FER1L6: variants seen among roughly 807,000 people sequenced by gnomAD.
FER1L6 encodes fer-1 like family member 6, also known as fer-1-like protein 6.
In FER1L6, 177 loss-of-function variants were observed where a neutral mutation model predicts 219.2. The ratio of observed to expected loss-of-function variants is 0.81; its 90% CI spans 0.71 to 0.91. The LOEUF (loss-of-function observed/expected upper bound fraction) is 0.91, where lower values mean the gene tolerates loss of function less well. Among genes scored for constraint, FER1L6 ranks in the 40% least tolerant of loss-of-function variants. The probability of loss-of-function intolerance (pLI) is 0.00; values close to 1 mark genes in which losing one functional copy is unlikely to be tolerated. For missense variants in FER1L6, 2,153 were observed against 2,259.9 expected, an observed-to-expected ratio of 0.95 and a Z score of 0.96; for synonymous variants, 768 against 824.3, an observed-to-expected ratio of 0.93 and a Z score of 1.17.
intron 13 of FER1L6, among the ~76,000 whole-genome samples, chr8:124,006,846 A>G (rs563435763): frequency 7.2e-5 from 11 of 152,300 alleles, no homozygotes; most frequent in Non-Finnish European, 1.3e-4. Context: ...TTGTCCATGT[A>G]GACACACTAA....
At chr8:123,948,477 C>A (rs941075599) in intron 1 of FER1L6, among the ~76,000 whole-genome samples, 3 of 152,194 alleles carry the variant, frequency 2.0e-5, no homozygotes, top group Non-Finnish European at 4.4e-5. Context: ...TTCCAATCTA[C>A]AAGCATGGAA....
At chr8:123,967,000 T>A (rs1261229621) in intron 5 of FER1L6, among the ~76,000 whole-genome samples, 1 of 148,562 alleles carries the variant, frequency 6.7e-6, no homozygotes, top group Non-Finnish European at 1.5e-5. Flanking sequence ...AAGAATGGCG[T>A]GAACCCAGGA....
In FER1L6 at chr8:124,082,445, A is replaced by C. The variant is rs1475692276; in HGVS notation, c.4378A>C (p.Ser1460Arg). 2 of 1,613,624 alleles carry C rather than the reference A, an allele frequency of 1.2e-6. No individual in the cohort carries two copies. Among genetic ancestry groups the C allele is most frequent in the Non-Finnish European group, 1.7e-6 (2 of 1,179,826 alleles). ...ACACCGAGCCATCTGTGGCTTGCAGAGCCAGTATGAGATGTAAGTTCTTTC... is the reference window on the plus strand; with the variant it reads ...ACACCGAGCCATCTGTGGCTTGCAGCGCCAGTATGAGATGTAAGTTCTTTC... The part of the protein sequence containing the change: ...SKHRAICGLQ[S>R]QYEIEGYNAW... The change falls in exon 33 of 41, where the codon AGC (serine) becomes CGC (arginine). Residue 1460 changes from serine (S) to arginine (R), a missense_variant. Coordinates refer to ENST00000522917, the MANE Select transcript of FER1L6 (RefSeq NM_001039112.2).
In FER1L6 at chr8:124,081,055, AGTAAGTGT is replaced by A. The variant is rs572770388; in HGVS notation, c.4221-1232_4221-1225del. On this transcript the variant is annotated intron_variant, in intron 32 of 40. Coordinates refer to ENST00000522917, the MANE Select transcript of FER1L6 (RefSeq NM_001039112.2). The stretch of plus-strand genomic sequence containing the variant: ...AGTTGCTGTGCCTGCTTCACTGGGG[AGTAAGTGT>A]CAGGGTTAAGTGGATCTGACCATGA... Among the ~76,000 whole-genome samples, 24 of 152,020 alleles carry A rather than the reference AGTAAGTGT, an allele frequency of 1.6e-4. No homozygotes were observed. The South Asian group carries it at 5.0e-3, about 32-fold the overall frequency.
chr8:124,031,916 GAC>G (rs1219339748), intron 18 of FER1L6, among the ~76,000 whole-genome samples: 1 of 152,192 alleles, frequency 6.6e-6, no homozygotes, highest in Admixed American at 6.5e-5. Context: ...ACTTAAGTGA[GAC>G]ACTGCATTAT....
intron 11 of FER1L6, chr8:123,984,676 C>T (rs935267453): frequency 2.6e-5 from 4 of 152,118 alleles, no homozygotes; most frequent in African/African-American, 9.7e-5. Context: ...CTGAGCCTCA[C>T]CCTGTTCGAC....
chr8:123,915,722 G>A (rs1813171110), intron 1 of FER1L6, among the ~76,000 whole-genome samples: 2 of 152,182 alleles, frequency 1.3e-5, no homozygotes, highest in Admixed American at 6.5e-5. Context: ...TCAGGATACT[G>A]TTAGAGCCTA....
At position 124,066,446 on chromosome 8, in the gene FER1L6, C is replaced by T. The variant is rs532032781; in HGVS notation, c.3574C>T (p.Arg1192Trp). ...TTGCCAGGATCCCAGGAAGCCTTCC[C>T]GGAGGTCCACTAAGAGGAGAAAGAG... Reference protein sequence around the residue: ...GKPKDPRKPSRRSTKRRKRTI... With the variant: ...GKPKDPRKPSWRSTKRRKRTI... The change falls in exon 27 of 41, where the codon CGG (arginine) becomes TGG (tryptophan). Residue 1192 changes from arginine (R) to tryptophan (W), a missense_variant. Coordinates refer to ENST00000522917, the MANE Select transcript of FER1L6 (RefSeq NM_001039112.2). 1.7e-5 allele frequency: 27 copies of T among 1,613,846 alleles called. 1 individual carries two copies. The highest frequency in any genetic ancestry group is 7.7e-5 in the South Asian group (7 of 91,042).
chr8:124,068,848 A>G (rs958990275), intron 28 of FER1L6, among the ~76,000 whole-genome samples: 69 of 152,258 alleles, frequency 4.5e-4, no homozygotes, highest in Admixed American at 6.5e-5. Flanking sequence ...GGTGCCCTGC[A>G]GTCAGGCAGT....
chr8:124,090,822 A>G (rs1023073078), intron 33 of FER1L6, among the ~76,000 whole-genome samples: 21 of 152,204 alleles, frequency 1.4e-4, no homozygotes, highest in Non-Finnish European at 2.6e-4. Context: ...TGACATGGAT[A>G]TATACTATGA....
In FER1L6 at chr8:123,969,435, A is replaced by T. The variant is rs186180065; in HGVS notation, c.385-600A>T. Among the ~76,000 whole-genome samples, 623 of 143,170 alleles carry T rather than the reference A, an allele frequency of 4.4e-3. 6 individuals are homozygous for T. The highest frequency in any genetic ancestry group is 0.011 in the African/African-American group (383 of 35,456). The allele number at this position is 143,170 out of a possible 152,430, so 93.9% of individuals were successfully genotyped here. On this transcript the variant is annotated intron_variant, in intron 5 of 40. Transcript: ENST00000522917. ...CCATTTTCACTCATAATTATAAATT[A>T]AAAAATGACACTATCGAGGGTTGAT...
At chr8:123,916,266 T>C (rs2129796136) in intron 1 of FER1L6, among the ~76,000 whole-genome samples, 1 of 152,278 alleles carries the variant, frequency 6.6e-6, no homozygotes, top group Admixed American at 6.5e-5. Flanking sequence ...GTAAACAAAT[T>C]GAGATCAGGG....
intron 33 of FER1L6, among the ~76,000 whole-genome samples, chr8:124,083,124 C>T (rs1821635486): frequency 1.3e-5 from 2 of 151,326 alleles, no homozygotes; most frequent in South Asian, 4.2e-4. Context: ...TATCTATCAC[C>T]TCAAATATTT....
chr8:123,920,930 A>G (rs1813342155), intron 1 of FER1L6, among the ~76,000 whole-genome samples: 1 of 152,188 alleles, frequency 6.6e-6, no homozygotes, highest in Non-Finnish European at 1.5e-5. Flanking sequence ...CATACCTCAT[A>G]TAAGTGGAAT....
chr8:124,046,036 T>C, intron 21 of FER1L6, 135 bp downstream of exon 21: 1 of 1,010,340 alleles, frequency 9.9e-7, no homozygotes, highest in Non-Finnish European at 1.4e-6. Context: ...AGAGGCAAAC[T>C]TGACCTCTGA....
At chr8:124,021,488 C>T in intron 16 of FER1L6, 62 bp from the exon 17 acceptor site, 3 of 1,598,800 alleles carry the variant, frequency 1.9e-6, no homozygotes, top group South Asian at 2.2e-5. Context: ...TCTTCAGCAA[C>T]AGGACGCTGC....
At chr8:124,102,512 T>C (rs12545670) in intron 38 of FER1L6, among the ~76,000 whole-genome samples, 117,798 of 152,146 alleles carry the variant, frequency 0.77, 46,487 homozygotes, top group Non-Finnish European at 0.86. Flanking sequence ...TCCATTCTCA[T>C]GTTTTTGCCC....
At chr8:123,897,075 GAA>G in intron 1 of FER1L6, among the ~76,000 whole-genome samples, 1 of 152,180 alleles carries the variant, frequency 6.6e-6, no homozygotes, top group African/African-American at 2.4e-5. Flanking sequence ...TCTCACATGT[GAA>G]AAGAGTAAAT....
At chr8:123,904,776 T>C (rs957556316) in intron 1 of FER1L6, among the ~76,000 whole-genome samples, 1 of 152,168 alleles carries the variant, frequency 6.6e-6, no homozygotes, top group African/African-American at 2.4e-5. Context: ...GTGTTTGAAC[T>C]GGCAAACAAC....
Sources: gnomAD v4.1 joint callset for allele counts (sites outside exome capture counted in the v4.1 genomes callset) on GRCh38, gnomAD v4.1.1 for gene constraint, MANE v1.5 for transcripts, NCBI Gene and HGNC (gene_info 2026-07-23, HGNC 2026-07-21) for gene names.